ASIC2: variants seen among roughly 807,000 people sequenced by gnomAD.
ASIC2 encodes the protein acid sensing ion channel subunit 2, also known as acid-sensing ion channel 2.
A neutral mutation model predicts 57.3 loss-of-function variants in ASIC2; 25 were observed. The observed-to-expected ratio is 0.44, with a 90% CI of 0.32 to 0.61. ASIC2 has a LOEUF of 0.61. Among genes scored for constraint, ASIC2 ranks in the 20% least tolerant of loss-of-function variants. The pLI is 0.06. For synonymous variants in ASIC2, 319 were observed against 307.5 expected, an observed-to-expected ratio of 1.04 and a Z score of -0.39; for missense variants, 641 against 738.1, an observed-to-expected ratio of 0.87 and a Z score of 1.52.
intron 1 of ASIC2, among the ~76,000 whole-genome samples, chr17:33,407,724 G>T (rs914162632): frequency 6.6e-6 from 1 of 152,232 alleles, no homozygotes; most frequent in Non-Finnish European, 1.5e-5. Flanking sequence ...TTGGATAAAT[G>T]ATTTACTCTA....
chr17:33,557,881 C>T (rs1308410615), intron 1 of ASIC2, among the ~76,000 whole-genome samples: 2 of 152,194 alleles, frequency 1.3e-5, no homozygotes, highest in East Asian at 3.8e-4. Flanking sequence ...CATTATCTCT[C>T]ACTTGAATCT....
intron 1 of ASIC2, among the ~76,000 whole-genome samples, chr17:33,539,426 CTGGA>C (rs1286913158): frequency 6.6e-6 from 1 of 152,234 alleles, no homozygotes; most frequent in Non-Finnish European, 1.5e-5. Context: ...GGGCTCAAGG[CTGGA>C]TTCCAAGGTG....
intron 1 of ASIC2, among the ~76,000 whole-genome samples, chr17:33,167,195 T>C (rs1260699992): frequency 6.6e-6 from 1 of 151,922 alleles, no homozygotes; most frequent in Non-Finnish European, 1.5e-5. Context: ...ACTTCCACCA[T>C]CACCAGCCCC....
intron 1 of ASIC2, among the ~76,000 whole-genome samples, chr17:34,105,549 C>G (rs1445451517): frequency 6.9e-6 from 1 of 145,148 alleles, no homozygotes; most frequent in African/African-American, 2.5e-5. Flanking sequence ...TTAATTTATA[C>G]CTTTCTTCCT....
intron 1 of ASIC2, among the ~76,000 whole-genome samples, chr17:33,415,358 T>G (rs550111477): frequency 6.6e-6 from 1 of 152,350 alleles, no homozygotes; most frequent in East Asian, 1.9e-4. Context: ...TTATAATAAC[T>G]AATACAATGG....
intron 1 of ASIC2, among the ~76,000 whole-genome samples, chr17:33,183,681 G>C (rs190602578): frequency 1.3e-5 from 2 of 152,310 alleles, no homozygotes; most frequent in Admixed American, 6.5e-5. Context: ...TTGTATTCAT[G>C]ATGCATTTAT....
At chr17:33,170,941 T>C (rs942515544) in intron 1 of ASIC2, among the ~76,000 whole-genome samples, 5 of 152,336 alleles carry the variant, frequency 3.3e-5, no homozygotes, top group Non-Finnish European at 7.3e-5. Context: ...CCCCTTTCAC[T>C]TGACTTAGAT....
intron 2 of ASIC2, among the ~76,000 whole-genome samples, chr17:33,092,944 G>C (rs1287662390): frequency 6.6e-6 from 1 of 152,154 alleles, no homozygotes; most frequent in Non-Finnish European, 1.5e-5. Flanking sequence ...TGCTGTATCT[G>C]GTCAGCTGTG....
chr17:33,149,183 G>A (rs1904684988), intron 1 of ASIC2, among the ~76,000 whole-genome samples: 1 of 152,088 alleles, frequency 6.6e-6, no homozygotes, highest in Non-Finnish European at 1.5e-5. Context: ...TTTTTGTTTT[G>A]TAGAAAAATG....
chr17:33,754,618 AT>A (rs1414450162), intron 1 of ASIC2, among the ~76,000 whole-genome samples: 2 of 152,180 alleles, frequency 1.3e-5, no homozygotes, highest in African/African-American at 4.8e-5. Flanking sequence ...TCAAACTTCA[AT>A]TATCAAATAA....
chr17:33,930,921 G>A (rs369302556), intron 1 of ASIC2, among the ~76,000 whole-genome samples: 6 of 147,290 alleles, frequency 4.1e-5, no homozygotes, highest in Non-Finnish European at 8.8e-5. Flanking sequence ...TTGTTTGTTT[G>A]TTTATTTATT....
At chr17:33,583,837 A>G (rs1597797023) in intron 1 of ASIC2, among the ~76,000 whole-genome samples, 1 of 152,294 alleles carries the variant, frequency 6.6e-6, no homozygotes, top group South Asian at 2.1e-4. Context: ...CAGCATGGGC[A>G]ATTAAGAATA....
chr17:33,667,165 T>G (rs1423064556), intron 1 of ASIC2, among the ~76,000 whole-genome samples: 1 of 152,172 alleles, frequency 6.6e-6, no homozygotes, highest in African/African-American at 2.4e-5. Context: ...ACCTATTGGA[T>G]GCACAGTGAT....
At chr17:33,898,240 T>TTTA (rs1915150128) in intron 1 of ASIC2, among the ~76,000 whole-genome samples, 5 of 87,124 alleles carry the variant, frequency 5.7e-5, no homozygotes, top group Admixed American at 1.1e-4. Context: ...TTTTTTTTTT[T>TTTA]TTTTTTTTTT....
intron 1 of ASIC2, among the ~76,000 whole-genome samples, chr17:33,354,610 C>T (rs1396262557): frequency 6.6e-6 from 1 of 151,942 alleles, no homozygotes; most frequent in Non-Finnish European, 1.5e-5. Context: ...CTCTGGGTTC[C>T]TTCCCACTCC....
chr17:33,223,353 T>C (rs1162237947), intron 1 of ASIC2, among the ~76,000 whole-genome samples: 1 of 152,148 alleles, frequency 6.6e-6, no homozygotes, highest in Non-Finnish European at 1.5e-5. Context: ...TGGCTAATTT[T>C]GTATTTTTAG....
chr17:33,921,996 C>A (rs561104483), intron 1 of ASIC2, among the ~76,000 whole-genome samples: 2 of 152,228 alleles, frequency 1.3e-5, no homozygotes, highest in African/African-American at 2.4e-5. Flanking sequence ...AGCTGACGGG[C>A]CTGGGAACAT....
intron 1 of ASIC2, among the ~76,000 whole-genome samples, chr17:33,524,765 G>T (rs1370271622): frequency 3.9e-5 from 6 of 152,080 alleles, no homozygotes; most frequent in Non-Finnish European, 7.4e-5. Context: ...TAGAGACAGG[G>T]TCTCATTATG....
intron 1 of ASIC2, among the ~76,000 whole-genome samples, chr17:34,067,300 A>T (rs1243232720): frequency 6.6e-6 from 1 of 152,220 alleles, no homozygotes; most frequent in Non-Finnish European, 1.5e-5. Flanking sequence ...AGATGAAAGA[A>T]ATTGAAAAAA....
Sources: allele counts gnomAD v4.1 joint callset (sites outside exome capture counted in the v4.1 genomes callset), GRCh38; gene constraint gnomAD v4.1.1; transcripts MANE v1.5; gene names NCBI Gene and HGNC (gene_info 2026-07-23, HGNC 2026-07-21).